The following METRNL variants were observed in gnomAD, a reference collection of about 807,000 sequenced individuals.
The protein encoded by METRNL is meteorin-like protein.
A neutral mutation model predicts 17.4 loss-of-function variants in METRNL; 9 were observed. The ratio of observed to expected loss-of-function variants is 0.52; its 90% CI spans 0.31 to 0.90. METRNL has a LOEUF of 0.90. METRNL is among the 40% of genes least tolerant of loss of function. METRNL has a pLI of 0.05. For synonymous variants in METRNL, 215 were observed against 199.3 expected (o/e 1.08, Z -0.66); for missense variants, 408 against 430.7 (o/e 0.95, Z 0.47).
rs946933536 is a variant in METRNL, at chr17:83,079,800, G to A, written c.-16G>A. 4.5e-5 allele frequency: 44 copies of A among 975,710 alleles called. No homozygotes were observed. In the African/African-American group the frequency reaches 6.8e-4, roughly 15 times the overall value. 60.4% of individuals were successfully genotyped at this position (975,710 alleles called of 1,614,324 possible). On this transcript the variant is annotated 5_prime_UTR_variant, in exon 1 of 4. Transcript: ENST00000320095. Reference sequence around the variant, plus strand: ...GTCGCGGACGCGGGGCCGGGCGGCGGAGCCGGCGCCAGAGCATGCGGGGCG... The same window carrying A: ...GTCGCGGACGCGGGGCCGGGCGGCGAAGCCGGCGCCAGAGCATGCGGGGCG...
intron 1 of METRNL, chr17:83,084,592 T>G: frequency 3.3e-6 from 1 of 306,026 alleles, no homozygotes. Context: ...CAGAGATTGG[T>G]GTTTGACGCT....
At position 83,094,266 on chromosome 17, in the gene METRNL, C is replaced by G. The variant is rs779802874; in HGVS notation, c.627C>G (p.Gly209=). The change falls in exon 4 of 4, where the codon GGC becomes GGG. Residue 209 remains glycine (G), a synonymous_variant. Transcript: ENST00000320095. The part of the protein sequence containing the change: ...AVCTSDFAVR[G]SIQQVTHEPE... Reference sequence around the variant, plus strand: ...TCCTTCCCCGCACAGCCGTTCGAGGCTCCATCCAGCAAGTTACCCACGAGC... The same window carrying G: ...TCCTTCCCCGCACAGCCGTTCGAGGGTCCATCCAGCAAGTTACCCACGAGC... 2.5e-6 allele frequency: 4 copies of G among 1,575,254 alleles called. No individual in the cohort carries two copies. In the African/African-American group the frequency reaches 5.4e-5, roughly 21 times the overall value.
Position 83,085,254 on chromosome 17 carries a change from C to G in METRNL, c.487C>G (p.Arg163Gly). The G allele has an allele frequency of 6.4e-7, 1 of 1,570,654 alleles. No individual in the cohort carries two copies. The highest frequency in any genetic ancestry group is 8.6e-7 in the Non-Finnish European group (1 of 1,156,912). Residue 163 changes from arginine to glycine, a missense_variant, in exon 2 of 4, where the codon CGG becomes GGG. Physicochemically the swap from Arg to Gly is moderately radical, Grantham distance 125. Coordinates refer to ENST00000320095, the MANE Select transcript of METRNL (RefSeq NM_001004431.3). ...VEATPQQDIG[R>G]RTTGFQYELV... ...GGCCACGCCGCAGCAGGATATCGGC[C>G]GGAGGACCACAGGCTTCCAGTACGA...
At chr17:83,081,082 T>TG (rs900829657) in intron 1 of METRNL, among the ~76,000 whole-genome samples, 5 of 151,194 alleles carry the variant, frequency 3.3e-5, no homozygotes, top group African/African-American at 4.8e-5. Context: ...GGCGTGGCGC[T>TG]GGGGGGCAGA....
intron 2 of METRNL, among the ~76,000 whole-genome samples, chr17:83,087,379 C>T (rs1264515827): frequency 6.6e-6 from 1 of 152,144 alleles, no homozygotes; most frequent in East Asian, 1.9e-4. Context: ...CACCGGGGGC[C>T]CCCGGAGCTG....
intron 1 of METRNL, chr17:83,084,092 G>A (rs2038020365): frequency 6.6e-6 from 1 of 152,220 alleles, no homozygotes; most frequent in Non-Finnish European, 1.5e-5. Context: ...GCATGTATGA[G>A]GGTGAACTTA....
chr17:83,080,574 C>T (rs1377568403), intron 1 of METRNL, among the ~76,000 whole-genome samples: 2 of 132,930 alleles, frequency 1.5e-5, no homozygotes, highest in Middle Eastern at 3.8e-3. Context: ...GACCCCCCCC[C>T]CCCCCACCCG....
At chr17:83,082,196 G>A (rs1371761828) in intron 1 of METRNL, 1 of 985,348 alleles carries the variant, frequency 1.0e-6, no homozygotes, top group Non-Finnish European at 1.2e-6. Context: ...CCCGGGCATC[G>A]CAGGTGCGGT....
rs1227806307 is a variant in METRNL at position 83,086,916 on chromosome 17, G to A, written c.556+1593G>A. ...CAGAGACTTTGTCTCTCCTGCCTCT[G>A]GGGGTGGGGTCCGAGGCCTACAGGC... is the stretch of plus-strand genomic sequence containing the variant. On this transcript the variant is annotated intron_variant, in intron 2 of 3. Coordinates refer to ENST00000320095, the MANE Select transcript of METRNL (RefSeq NM_001004431.3). 2.6e-5 allele frequency among the ~76,000 whole-genome samples: 4 copies of A among 152,196 alleles called. 1 individual carries two copies. The South Asian group carries it at 8.3e-4, about 32-fold the overall frequency.
chr17:83,094,203 T>G, intron 3 of METRNL, 53 bp from the exon 4 acceptor site: 1 of 1,454,496 alleles, frequency 6.9e-7, no homozygotes. Flanking sequence ...GCGGTGGTCT[T>G]GCTGTGTGCT....
chr17:83,085,505 G>A (rs964836835), intron 2 of METRNL, among the ~76,000 whole-genome samples, 182 bp downstream of exon 2: 1 of 152,184 alleles, frequency 6.6e-6, no homozygotes, highest in African/African-American at 2.4e-5. Context: ...GGGGTTGGGG[G>A]ACACTGGCGC....
chr17:83,084,647 A>C lies in METRNL; in HGVS notation c.171-291A>C, dbSNP rs928628617. ...CTCTTGAGTGTTGGAGGGTGTCTGG[A>C]GGGCCTGGGGACAAGCACCGCCTGC... is the stretch of plus-strand genomic sequence containing the variant. On this transcript the variant is annotated intron_variant, in intron 1 of 3. Coordinates refer to ENST00000320095, the MANE Select transcript of METRNL (RefSeq NM_001004431.3). The C allele has an allele frequency of 8.2e-6, 4 of 485,240 alleles. No individual in the cohort carries two copies. The Admixed American group carries it at 1.5e-4, about 19-fold the overall frequency. 30.1% of individuals were successfully genotyped at this position (485,240 alleles called of 1,614,324 possible). A position where few individuals can be genotyped will look rare whatever the true frequency, so the allele number is the denominator to read the frequency against.
rs865973981 is a variant in METRNL, at chr17:83,090,144, G to T, written c.557-3023G>T. On this transcript the variant is annotated intron_variant, in intron 2 of 3. Coordinates refer to ENST00000320095, the MANE Select transcript of METRNL (RefSeq NM_001004431.3). ...CCCAGGGTGGGAGCCACACACCCCC[G>T]CCCCGCCCCAGGGTGGGAGCCACAC... Among the ~76,000 whole-genome samples the T allele has an allele frequency of 2.3e-4, 14 of 61,192 alleles. 1 individual carries two copies. Among genetic ancestry groups the T allele is most frequent in the African/African-American group, 6.8e-4 (11 of 16,218 alleles). The allele number at this position is 61,192 out of a possible 152,430, so 40.1% of individuals were successfully genotyped here.
chr17:83,090,564 A>ACCTCCTG (rs1464255030), intron 2 of METRNL, among the ~76,000 whole-genome samples: 1 of 131,552 alleles, frequency 7.6e-6, no homozygotes, highest in East Asian at 2.4e-4. Context: ...GACTTCCGGC[A>ACCTCCTG]CCTCCTGCCT....
intron 1 of METRNL, among the ~76,000 whole-genome samples, chr17:83,080,857 GGCCCCCGCCCCCGCCCCC>G (rs533735221): frequency 4.6e-5 from 7 of 150,556 alleles, no homozygotes; most frequent in African/African-American, 1.7e-4. Flanking sequence ...CCCTCGGCGC[GGCCCCCGCCCCCGCCCCC>G]GCCCCCGCCG....
chr17:83,091,593 C>T (rs1469521848), intron 2 of METRNL, among the ~76,000 whole-genome samples: 3 of 152,058 alleles, frequency 2.0e-5, no homozygotes, highest in Non-Finnish European at 1.5e-5. Flanking sequence ...TCCCCTGGGA[C>T]CCCCAGTCAC....
rs550686880 is a variant in METRNL, at chr17:83,081,382, G to A, written c.170+1397G>A. Among the ~76,000 whole-genome samples the A allele has an allele frequency of 3.9e-3, 595 of 152,270 alleles. 5 individuals are homozygous for A. The highest frequency in any genetic ancestry group is 0.014 in the African/African-American group (579 of 41,570). ...AAACGCCGCCCCCGCCACCCAGGCC[G>A]AGTGTGTCGAGAAGGGGCCGGCGCC... On this transcript the variant is annotated intron_variant, in intron 1 of 3. Transcript: ENST00000320095.
At chr17:83,090,628 G>C (rs1258254474) in intron 2 of METRNL, among the ~76,000 whole-genome samples, 1 of 149,598 alleles carries the variant, frequency 6.7e-6, no homozygotes, top group Admixed American at 6.6e-5. Flanking sequence ...CTGCCCAGCC[G>C]GAGGGTGCTG....
In METRNL at chr17:83,094,581, T is replaced by C. The variant is rs549590818; in HGVS notation, c.*6T>C. The C allele has an allele frequency of 3.5e-6, 5 of 1,443,724 alleles. No homozygotes were observed. In the African/African-American group the frequency reaches 7.1e-5, roughly 21 times the overall value. The allele number at this position is 1,443,724 out of a possible 1,614,324, so 89.4% of individuals were successfully genotyped here. On this transcript the variant is annotated 3_prime_UTR_variant, in exon 4 of 4. Transcript: ENST00000320095. ...GTGAGGTTGGCACGGACTGACTCCG[T>C]GGGCCGCTGCCCTTCCTCTCCTGAT... is the stretch of plus-strand genomic sequence containing the variant.
Sources: gnomAD v4.1 joint callset for allele counts (sites outside exome capture counted in the v4.1 genomes callset) on GRCh38, gnomAD v4.1.1 for gene constraint, MANE v1.5 for transcripts, NCBI Gene and HGNC (gene_info 2026-07-23, HGNC 2026-07-21) for gene names.